The following SMOC2 variants were observed in gnomAD, a reference collection of about 807,000 sequenced individuals.
SMOC2 encodes the protein SPARC related modular calcium binding 2.
In SMOC2, 39 loss-of-function variants were observed where a neutral mutation model predicts 61.4. That is an observed-to-expected ratio of 0.64 (90% CI 0.49 to 0.83). The LOEUF (loss-of-function observed/expected upper bound fraction) is 0.83, where lower values mean the gene tolerates loss of function less well. Among genes scored for constraint, SMOC2 ranks in the 40% least tolerant of loss-of-function variants. The pLI, the probability that SMOC2 is intolerant of heterozygous loss-of-function variation, is 0.00. For missense variants in SMOC2, 556 were observed against 592.9 expected (o/e 0.94, Z 0.65); for synonymous variants, 247 against 239.9 (o/e 1.03, Z -0.27).
chr6:168,626,504 C>T (rs144194004), intron 9 of SMOC2, among the ~76,000 whole-genome samples: 2,846 of 152,304 alleles, frequency 0.019, 43 homozygotes, highest in Middle Eastern at 0.044. Flanking sequence ...CTGGCCGTGG[C>T]GATTCCGCAG....
chr6:168,637,612 C>T (rs1786773452), intron 9 of SMOC2, among the ~76,000 whole-genome samples: 1 of 152,202 alleles, frequency 6.6e-6, no homozygotes, highest in Non-Finnish European at 1.5e-5. Flanking sequence ...TTGCGAGGAA[C>T]ATTTCTGTTG....
chr6:168,512,298 C>T (rs1294762149), intron 2 of SMOC2, among the ~76,000 whole-genome samples: 3 of 152,130 alleles, frequency 2.0e-5, no homozygotes, highest in Non-Finnish European at 4.4e-5. Context: ...CGCATGCTTC[C>T]CTGAGCTCAC....
At chr6:168,539,545 C>T (rs375885850) in intron 4 of SMOC2, among the ~76,000 whole-genome samples, 17 of 152,256 alleles carry the variant, frequency 1.1e-4, no homozygotes, top group African/African-American at 4.1e-4. Flanking sequence ...TGCATGGTGT[C>T]TGGGTCCCAG....
At chr6:168,526,920 T>C (rs1783468839) in intron 3 of SMOC2, among the ~76,000 whole-genome samples, 1 of 152,238 alleles carries the variant, frequency 6.6e-6, no homozygotes. Flanking sequence ...AAATTCATGT[T>C]GTCAGCCAAA....
rs1782072138 is a variant in SMOC2, at chr6:168,475,954, G to A, written c.85-33961G>A. Among the ~76,000 whole-genome samples, 1 of 152,026 alleles carries A rather than the reference G, an allele frequency of 6.6e-6. No individual in the cohort carries two copies. The highest frequency in any genetic ancestry group is 2.1e-4 in the South Asian group (1 of 4,818). On this transcript the variant is annotated intron_variant, in intron 1 of 12. Transcript: ENST00000356284. This position sits in a 1 kb window ranked among gnomAD's most constrained non-coding sequence, Gnocchi z 4.6. The stretch of plus-strand genomic sequence containing the variant: ...AGGAGGCGTGGAAGGGCTGAGGTTT[G>A]CTAACCGTAGTCCACTTGGGACCTT...
chr6:168,467,136 A>ACACACACACAC (rs1781853992), intron 1 of SMOC2, among the ~76,000 whole-genome samples: 1 of 133,334 alleles, frequency 7.5e-6, no homozygotes. Flanking sequence ...AGTGCTCTCA[A>ACACACACACAC]ACACACACAC....
intron 10 of SMOC2, among the ~76,000 whole-genome samples, chr6:168,651,826 A>C (rs988268513): frequency 1.3e-5 from 2 of 152,310 alleles, no homozygotes; most frequent in East Asian, 3.9e-4. Flanking sequence ...GGATCACCTG[A>C]GGTCAGGAGT....
At chr6:168,576,465 A>G (rs1272032521) in intron 7 of SMOC2, among the ~76,000 whole-genome samples, 2 of 152,118 alleles carry the variant, frequency 1.3e-5, no homozygotes, top group African/African-American at 2.4e-5. Context: ...GTGCAAGGCC[A>G]GAGAACACCT....
chr6:168,623,566 C>T (rs1329863191), intron 9 of SMOC2, among the ~76,000 whole-genome samples: 1 of 151,384 alleles, frequency 6.6e-6, no homozygotes, highest in Non-Finnish European at 1.5e-5. Flanking sequence ...GAACTCCTGA[C>T]CTCAAGTGAT....
chr6:168,653,289 G>C (rs1028272008), intron 11 of SMOC2, 61 bp downstream of exon 11: 4 of 1,547,734 alleles, frequency 2.6e-6, no homozygotes, highest in African/African-American at 2.8e-5. Context: ...TGGGAGGTCT[G>C]CTTCTCACAA....
In SMOC2 at chr6:168,475,875, G is replaced by A. The variant is rs112048856; in HGVS notation, c.85-34040G>A. ...ATGGGGTCAGGGTTCTCCAGGCGTGGGCTTCACGGGGGTCTGTGTCGTTAA... is the reference window on the plus strand; with the variant it reads ...ATGGGGTCAGGGTTCTCCAGGCGTGAGCTTCACGGGGGTCTGTGTCGTTAA... On this transcript the variant is annotated intron_variant, in intron 1 of 12. Transcript: ENST00000356284. The surrounding 1 kb of genome is among the most constrained non-coding windows in gnomAD (Gnocchi z 4.6). Among the ~76,000 whole-genome samples, 2 of 152,156 alleles carry A rather than the reference G, an allele frequency of 1.3e-5. No homozygotes were observed. Among genetic ancestry groups the A allele is most frequent in the African/African-American group, 4.8e-5 (2 of 41,570 alleles).
intron 1 of SMOC2, among the ~76,000 whole-genome samples, chr6:168,483,440 G>A (rs1240629666): frequency 2.0e-5 from 3 of 152,018 alleles, no homozygotes; most frequent in Non-Finnish European, 4.4e-5. Flanking sequence ...TAAAAAAGAA[G>A]ACATCAACAA....
chr6:168,600,362 A>G (rs1304969367), intron 8 of SMOC2, among the ~76,000 whole-genome samples: 1 of 141,798 alleles, frequency 7.1e-6, no homozygotes, highest in African/African-American at 2.6e-5. Flanking sequence ...AGCCAAGATC[A>G]CACCATTGCA....
At chr6:168,448,282 C>G (rs996438058) in intron 1 of SMOC2, among the ~76,000 whole-genome samples, 1 of 130,850 alleles carries the variant, frequency 7.6e-6, no homozygotes, top group Non-Finnish European at 1.5e-5. Context: ...AGGAGCAAAG[C>G]AGAAGGTGTG....
chr6:168,647,329 G>C (rs11752736), intron 9 of SMOC2, among the ~76,000 whole-genome samples: 6 of 152,208 alleles, frequency 3.9e-5, no homozygotes, highest in Non-Finnish European at 8.8e-5. Flanking sequence ...GAGTGTGCTA[G>C]AAAGGACCCA....
At chr6:168,481,228 C>T (rs1782199126) in intron 1 of SMOC2, among the ~76,000 whole-genome samples, 1 of 152,068 alleles carries the variant, frequency 6.6e-6, no homozygotes, top group African/African-American at 2.4e-5. Context: ...TTGTTTCCTA[C>T]ACAATTTGAG....
chr6:168,507,729 T>C (rs1782908681), intron 1 of SMOC2, among the ~76,000 whole-genome samples: 1 of 152,272 alleles, frequency 6.6e-6, no homozygotes, highest in Non-Finnish European at 1.5e-5. Context: ...AAAGCATACA[T>C]ATTTGCAAAA....
chr6:168,589,772 C>T (rs1208347081), intron 7 of SMOC2, among the ~76,000 whole-genome samples: 9 of 101,308 alleles, frequency 8.9e-5, no homozygotes, highest in Non-Finnish European at 1.4e-4. Context: ...AGGGGGCAGC[C>T]GGCCTGGTGG....
chr6:168,556,726 A>G (rs1027012070), intron 7 of SMOC2, among the ~76,000 whole-genome samples: 7 of 144,796 alleles, frequency 4.8e-5, no homozygotes, highest in Non-Finnish European at 9.1e-5. Context: ...ATATCTCCTA[A>G]TGCTATCCCT....
Sources: allele counts gnomAD v4.1 joint callset (sites outside exome capture counted in the v4.1 genomes callset), GRCh38; gene constraint gnomAD v4.1.1; non-coding constraint Gnocchi (gnomAD v3.1); transcripts MANE v1.5; gene names NCBI Gene and HGNC (gene_info 2026-07-23, HGNC 2026-07-21).